The following FNDC1 variants were observed in gnomAD, a reference collection of about 807,000 sequenced individuals.
FNDC1 encodes the protein fibronectin type III domain-containing protein 1.
FNDC1 carries 96 observed loss-of-function variants against 168.0 expected under a neutral mutation model. That is an observed-to-expected ratio of 0.57 (90% CI 0.48 to 0.68). The LOEUF (loss-of-function observed/expected upper bound fraction) is 0.68. Among genes scored for constraint, FNDC1 ranks in the 30% least tolerant of loss-of-function variants. FNDC1 has a pLI of 0.00. For synonymous variants in FNDC1, 1,099 were observed against 1,025.9 expected (o/e 1.07, Z -1.36); for missense variants, 2,587 against 2,482.1 (o/e 1.04, Z -0.90).
At chr6:159,252,507 G>C (rs892050865) in intron 17 of FNDC1, among the ~76,000 whole-genome samples, 2 of 152,200 alleles carry the variant, frequency 1.3e-5, no homozygotes, top group African/African-American at 4.8e-5. Flanking sequence ...AGAAAAGAAG[G>C]CTTCTGGGTA....
chr6:159,237,275 C>T (rs1329429073), intron 12 of FNDC1, among the ~76,000 whole-genome samples: 1 of 152,196 alleles, frequency 6.6e-6, no homozygotes, highest in African/African-American at 2.4e-5. Context: ...TGCAGGGCTT[C>T]CTCCAGTAGC....
At chr6:159,246,441 T>A (rs1777125837) in intron 14 of FNDC1, among the ~76,000 whole-genome samples, 1 of 152,112 alleles carries the variant, frequency 6.6e-6, no homozygotes, top group Admixed American at 6.5e-5. Context: ...GGAGTTCACA[T>A]GTGAGGGGCT....
intron 1 of FNDC1, among the ~76,000 whole-genome samples, chr6:159,195,819 A>T (rs949031314): frequency 6.6e-6 from 1 of 152,228 alleles, no homozygotes; most frequent in African/African-American, 2.4e-5. Flanking sequence ...CACATTTTAG[A>T]ATGTCTATTC....
At chr6:159,213,719 T>TAAAAAAAA (rs1382228786) in intron 4 of FNDC1, among the ~76,000 whole-genome samples, 2 of 152,060 alleles carry the variant, frequency 1.3e-5, no homozygotes, top group Non-Finnish European at 2.9e-5. Context: ...AAAAAACCTT[T>TAAAAAAAA]AAAACAATTA....
chr6:159,265,738 A>G (rs768415582), intron 20 of FNDC1, among the ~76,000 whole-genome samples: 4 of 151,962 alleles, frequency 2.6e-5, no homozygotes, highest in Admixed American at 6.6e-5. Flanking sequence ...GACCAGCCTG[A>G]CCAATGTGGT....
chr6:159,266,109 C>A lies in FNDC1; in HGVS notation c.5310C>A (p.Phe1770Leu). ...PPGGEPIWIP[F>L]AFKHDPSYTD... ...GCGGTGAGCCTATCTGGATCCCATT[C>A]GCTTTCAAACATGATCCCAGCTACA... Residue 1770 changes from phenylalanine (F) to leucine (L), a missense_variant, in exon 21 of 23, where the codon TTC (phenylalanine) becomes TTA (leucine). Phe to Leu is a conservative substitution (Grantham distance 22). Transcript: ENST00000297267. 1.2e-6 allele frequency: 2 copies of A among 1,613,856 alleles called. No individual in the cohort carries two copies. The highest frequency in any genetic ancestry group is 1.7e-6 in the Non-Finnish European group (2 of 1,179,796).
intron 6 of FNDC1, among the ~76,000 whole-genome samples, chr6:159,222,402 G>A (rs1457650760): frequency 6.6e-6 from 1 of 152,168 alleles, no homozygotes; most frequent in African/African-American, 2.4e-5. Context: ...CATAGGATGA[G>A]TCCCTATATC....
intron 4 of FNDC1, among the ~76,000 whole-genome samples, chr6:159,207,545 G>A (rs1782512276): frequency 6.6e-6 from 1 of 152,190 alleles, no homozygotes; most frequent in Admixed American, 6.5e-5. Flanking sequence ...GCAGGTGTGG[G>A]TCTGTGATAC....
intron 1 of FNDC1, among the ~76,000 whole-genome samples, chr6:159,191,873 T>C (rs1261447778): frequency 6.6e-6 from 1 of 151,146 alleles, no homozygotes; most frequent in Non-Finnish European, 1.5e-5. Flanking sequence ...TTAGTCGTGC[T>C]TTTTTTTTGT....
chr6:159,238,307 G>C (rs1276943149), intron 12 of FNDC1, among the ~76,000 whole-genome samples: 1 of 151,658 alleles, frequency 6.6e-6, no homozygotes, highest in Non-Finnish European at 1.5e-5. Context: ...CCGTGGTCTC[G>C]ATCTCCTGAT....
At chr6:159,218,094 A>G (rs1782742964) in intron 5 of FNDC1, among the ~76,000 whole-genome samples, 1 of 152,336 alleles carries the variant, frequency 6.6e-6, no homozygotes, top group African/African-American at 2.4e-5. Flanking sequence ...TTCAACGGAC[A>G]GCTTGCTTTG....
intron 5 of FNDC1, among the ~76,000 whole-genome samples, chr6:159,218,004 C>A (rs1457246297): frequency 6.6e-6 from 1 of 152,174 alleles, no homozygotes; most frequent in Non-Finnish European, 1.5e-5. Context: ...TTTGGTGATG[C>A]GGGCCAAATT....
At chr6:159,248,043 G>A (rs914216273) in intron 15 of FNDC1, among the ~76,000 whole-genome samples, 2 of 152,160 alleles carry the variant, frequency 1.3e-5, no homozygotes, top group African/African-American at 4.8e-5. Context: ...CCTTTGATGT[G>A]TTATTTATTC....
At chr6:159,261,082 GA>G (rs1287730870) in intron 18 of FNDC1, 107 bp from the exon 19 acceptor site, 1 of 765,706 alleles carries the variant, frequency 1.3e-6, no homozygotes. Flanking sequence ...GTAAAAAGTA[GA>G]ACTCAAAGCC....
At chr6:159,207,305 C>A (rs1030024643) in intron 4 of FNDC1, among the ~76,000 whole-genome samples, 7 of 152,148 alleles carry the variant, frequency 4.6e-5, no homozygotes, top group Non-Finnish European at 1.0e-4. Context: ...GCGACTGTTC[C>A]GACTGTGAGG....
intron 22 of FNDC1, among the ~76,000 whole-genome samples, chr6:159,269,165 T>C (rs538715779): frequency 9.3e-5 from 14 of 151,026 alleles, no homozygotes; most frequent in Admixed American, 2.6e-4. Flanking sequence ...TCTATGTATG[T>C]ATGTATGTAT....
chr6:159,225,142 A>G (rs567210544), intron 7 of FNDC1, among the ~76,000 whole-genome samples: 2 of 152,140 alleles, frequency 1.3e-5, no homozygotes, highest in South Asian at 4.2e-4. Flanking sequence ...ACCTTGGGCC[A>G]GGTCCCTACT....
At chr6:159,226,239 G>A (rs1782952893) in intron 8 of FNDC1, among the ~76,000 whole-genome samples, 1 of 152,086 alleles carries the variant, frequency 6.6e-6, no homozygotes, top group African/African-American at 2.4e-5. Flanking sequence ...AAGAAATTCT[G>A]AATTACTAAG....
chr6:159,202,599 C>G (rs1016615565), intron 4 of FNDC1, among the ~76,000 whole-genome samples: 6 of 152,208 alleles, frequency 3.9e-5, no homozygotes, highest in Non-Finnish European at 8.8e-5. Flanking sequence ...TTATTAGAAA[C>G]CAGAGGAATA....
Sources: gnomAD v4.1 joint callset for allele counts (sites outside exome capture counted in the v4.1 genomes callset) on GRCh38, gnomAD v4.1.1 for gene constraint, MANE v1.5 for transcripts, NCBI Gene and HGNC (gene_info 2026-07-23, HGNC 2026-07-21) for gene names.